PTGES3: variants seen among roughly 807,000 people sequenced by gnomAD.
PTGES3 encodes prostaglandin E synthase 3, also known as Hsp90 co-chaperone.
In PTGES3, 5 loss-of-function variants were observed where a neutral mutation model predicts 29.9. That is an observed-to-expected ratio of 0.17 (90% CI 0.09 to 0.35). The LOEUF (loss-of-function observed/expected upper bound fraction) is 0.35, where lower values mean the gene tolerates loss of function less well. PTGES3 is among the 10% of genes least tolerant of loss of function. PTGES3 has a pLI of 1.00. For missense variants in PTGES3, 128 were observed against 190.0 expected (o/e 0.67, Z 1.92); for synonymous variants, 49 against 57.8 (o/e 0.85, Z 0.69).
At chr12:56,686,278 A>G (rs1952845613) in intron 1 of PTGES3, among the ~76,000 whole-genome samples, 1 of 152,178 alleles carries the variant, frequency 6.6e-6, no homozygotes, top group African/African-American at 2.4e-5. Flanking sequence ...CCCCTTACAG[A>G]TTTTCAGAGT....
chr12:56,664,795 T>G lies in PTGES3; in HGVS notation c.444A>C (p.Ser148=). Residue 148 remains serine (S), a synonymous_variant, in exon 7 of 8, where the codon TCA becomes TCC. Transcript: ENST00000262033. The part of the protein sequence containing the change: ...LPEVDGADDD[S]QDSDDEKMPD... ...ACTTACTTTCATCATCACTGTCTTG[T>G]GAATCCTGAAAGAGGGAAAATAAAG... 6.3e-7 allele frequency: 1 copy of G among 1,597,582 alleles called. No homozygotes were observed. Among genetic ancestry groups the G allele is most frequent in the Non-Finnish European group, 8.6e-7 (1 of 1,168,184 alleles).
rs1951846657 is a variant in PTGES3 at position 56,667,867 on chromosome 12, G to C, written c.376-1601C>G. Among the ~76,000 whole-genome samples the C allele has an allele frequency of 1.3e-5, 2 of 152,224 alleles. 1 individual carries two copies. Among genetic ancestry groups the C allele is most frequent in the South Asian group, 4.1e-4 (2 of 4,834 alleles). ...TCATGCCTGTAATCCCAGAACTTTG[G>C]GAGGCCAAGGCGGGTGGATCACCTG... On this transcript the variant is annotated intron_variant, in intron 5 of 7. Coordinates refer to ENST00000262033, the MANE Select transcript of PTGES3 (RefSeq NM_006601.7).
chr12:56,674,986 A>AG (rs1952169546), intron 1 of PTGES3, among the ~76,000 whole-genome samples: 1 of 121,062 alleles, frequency 8.3e-6, no homozygotes, highest in Non-Finnish European at 1.7e-5. Context: ...CCTGGGCAAC[A>AG]AGAGTGAAAC....
chr12:56,672,685 G>A (rs1952052957), intron 3 of PTGES3, 55 bp downstream of exon 3: 4 of 1,480,856 alleles, frequency 2.7e-6, no homozygotes, highest in East Asian at 4.7e-5. Context: ...AAGAATACTT[G>A]GTATGTCTGT....
At position 56,680,785 on chromosome 12, in the gene PTGES3, T is replaced by G. The variant is rs1015046471; in HGVS notation, c.2+7213A>C. On this transcript the variant is annotated intron_variant, in intron 1 of 7. Transcript: ENST00000262033. Reference sequence around the variant, plus strand: ...TGTAGTTTTTGTTTTTTAAAAGTTTTTTTTTTTTTTTGAGACCAGTTCTTG... The same window carrying G: ...TGTAGTTTTTGTTTTTTAAAAGTTTGTTTTTTTTTTTGAGACCAGTTCTTG... 5.7e-4 allele frequency among the ~76,000 whole-genome samples: 86 copies of G among 151,922 alleles called. 1 individual carries two copies. Among genetic ancestry groups the G allele is most frequent in the African/African-American group, 2.0e-3 (83 of 41,476 alleles).
At chr12:56,668,325 C>T (rs938484188) in intron 5 of PTGES3, among the ~76,000 whole-genome samples, 3 of 152,110 alleles carry the variant, frequency 2.0e-5, no homozygotes, top group South Asian at 2.1e-4. Context: ...CCAAGCATAA[C>T]GCTACGTGCT....
chr12:56,666,912 C>T (rs1416180035), intron 5 of PTGES3, among the ~76,000 whole-genome samples: 2 of 151,974 alleles, frequency 1.3e-5, no homozygotes, highest in East Asian at 1.9e-4. Context: ...CAGGCGTGAA[C>T]CACCATGCCA....
intron 6 of PTGES3, chr12:56,665,947 G>T (rs114716740): frequency 3.4e-6 from 4 of 1,177,250 alleles, no homozygotes; most frequent in Non-Finnish European, 4.2e-6. Flanking sequence ...ATTGAGTACG[G>T]TATTAATATA....
intron 1 of PTGES3, chr12:56,687,776 G>T (rs570207200): frequency 1.4e-6 from 2 of 1,380,722 alleles, no homozygotes; most frequent in South Asian, 3.2e-5. Flanking sequence ...CCGGCATGGG[G>T]AAGCCAAGGA....
At chr12:56,681,866 G>A (rs1405552955) in intron 1 of PTGES3, among the ~76,000 whole-genome samples, 1 of 151,310 alleles carries the variant, frequency 6.6e-6, no homozygotes, top group African/African-American at 2.4e-5. Flanking sequence ...CAAAAAAAAA[G>A]AGTCTCACTC....
chr12:56,683,815 C>A (rs1320123092), intron 1 of PTGES3, among the ~76,000 whole-genome samples: 1 of 150,994 alleles, frequency 6.6e-6, no homozygotes, highest in Non-Finnish European at 1.5e-5. Flanking sequence ...AAAAATTAGC[C>A]GGGCGAGGTG....
intron 1 of PTGES3, chr12:56,687,552 T>A: frequency 4.0e-6 from 4 of 1,012,182 alleles, no homozygotes; most frequent in Non-Finnish European, 4.7e-6. Context: ...GCCAGGCACC[T>A]GGCGGCACCC....
chr12:56,664,606 G>T lies in PTGES3; in HGVS notation c.464-108C>A, dbSNP rs1410720251. ...AAATCGAAATACATAGTTGCCCAAT[G>T]AATTAATAGGTTGTCTTGCTATCAA... On this transcript the variant is annotated intron_variant, in intron 7 of 7. Coordinates refer to ENST00000262033, the MANE Select transcript of PTGES3 (RefSeq NM_006601.7). 5.8e-6 allele frequency: 8 copies of T among 1,381,406 alleles called. No individual in the cohort carries two copies. The African/African-American group carries it at 1.0e-4, about 18-fold the overall frequency. The allele number at this position is 1,381,406 out of a possible 1,614,324, so 85.6% of individuals were successfully genotyped here.
rs1555221798 is a variant in PTGES3, at chr12:56,685,404, T to TTC, written c.2+2593_2+2594insGA. ...AAGGTAGCATTTTTTCTTTTCTTTT[T>TTC]TTTTTTTTTTTTTTTTAAGACAGTC... On this transcript the variant is annotated intron_variant, in intron 1 of 7. Coordinates refer to ENST00000262033, the MANE Select transcript of PTGES3 (RefSeq NM_006601.7). Among the ~76,000 whole-genome samples, 5 of 27,074 alleles carry TTC rather than the reference T, an allele frequency of 1.8e-4. No homozygotes were observed. The East Asian group carries it at 0.015, about 81-fold the overall frequency. The allele number at this position is 27,074 out of a possible 152,430, so 17.8% of individuals were successfully genotyped here.
At chr12:56,680,916 C>T (rs1363145420) in intron 1 of PTGES3, among the ~76,000 whole-genome samples, 2 of 151,734 alleles carry the variant, frequency 1.3e-5, no homozygotes, top group Non-Finnish European at 2.9e-5. Flanking sequence ...TGGATGGAAC[C>T]ACAGATACAT....
chr12:56,684,730 T>G (rs1297953084), intron 1 of PTGES3, among the ~76,000 whole-genome samples: 1 of 152,182 alleles, frequency 6.6e-6, no homozygotes, highest in East Asian at 1.9e-4. Flanking sequence ...CTGGCAAGGT[T>G]AGTTAAGCGG....
At chr12:56,672,921 T>C (rs1952063488) in intron 2 of PTGES3, 31 bp downstream of exon 2, 1 of 1,575,052 alleles carries the variant, frequency 6.3e-7, no homozygotes, top group Admixed American at 1.9e-5. Flanking sequence ...GAATGACTAT[T>C]TTACATCATT....
At chr12:56,681,277 G>GC (rs1284787220) in intron 1 of PTGES3, among the ~76,000 whole-genome samples, 2 of 151,962 alleles carry the variant, frequency 1.3e-5, no homozygotes, top group Non-Finnish European at 2.9e-5. Context: ...GGTGGCTCAT[G>GC]CCTGTAATCC....
intron 1 of PTGES3, among the ~76,000 whole-genome samples, chr12:56,686,110 T>A (rs1256380192): frequency 1.3e-5 from 2 of 151,290 alleles, no homozygotes; most frequent in Admixed American, 6.6e-5. Context: ...TAAATCTACT[T>A]TCCTAGTAAT....
Sources: allele counts gnomAD v4.1 joint callset (sites outside exome capture counted in the v4.1 genomes callset), GRCh38; gene constraint gnomAD v4.1.1; transcripts MANE v1.5; gene names NCBI Gene and HGNC (gene_info 2026-07-23, HGNC 2026-07-21).